MME: variants seen among roughly 807,000 people sequenced by gnomAD.
The protein encoded by MME is membrane metalloendopeptidase, also known as neprilysin.
MME carries 98 observed loss-of-function variants against 113.2 expected under a neutral mutation model. The ratio of observed to expected loss-of-function variants is 0.87; its 90% CI spans 0.74 to 1.02. MME has a LOEUF of 1.02. MME is among the 50% of genes least tolerant of loss of function. The pLI is 0.00. For synonymous variants in MME, 292 were observed against 300.6 expected (o/e 0.97, Z 0.30); for missense variants, 836 against 896.0 (o/e 0.93, Z 0.86).
chr3:155,178,877 C>T (rs1712810334), intron 22 of MME, among the ~76,000 whole-genome samples: 1 of 152,162 alleles, frequency 6.6e-6, no homozygotes, highest in Admixed American at 6.6e-5. Flanking sequence ...ATTTCCCCCA[C>T]ATATGTTCAG....
intron 1 of MME, among the ~76,000 whole-genome samples, chr3:155,028,395 G>A (rs1400771749): frequency 6.6e-6 from 1 of 152,202 alleles, no homozygotes; most frequent in Non-Finnish European, 1.5e-5. Context: ...TCTGGGAATA[G>A]AGAGGACAGT....
intron 16 of MME, chr3:155,158,477 G>A (rs1483225775): frequency 6.6e-6 from 1 of 152,024 alleles, no homozygotes; most frequent in Non-Finnish European, 1.5e-5. Flanking sequence ...TTCCCCCTAG[G>A]AGTAGTAAGA....
At chr3:155,125,444 C>CTTTTTTTTTT (rs1165027340) in intron 8 of MME, among the ~76,000 whole-genome samples, 2 of 65,286 alleles carry the variant, frequency 3.1e-5, no homozygotes, top group Non-Finnish European at 5.4e-5. Context: ...GCTCCTCCTC[C>CTTTTTTTTTT]TTTTTTTTTT....
intron 1 of MME, among the ~76,000 whole-genome samples, chr3:155,063,584 A>G (rs1714259012): frequency 8.2e-6 from 1 of 121,232 alleles, no homozygotes; most frequent in Middle Eastern, 4.1e-3. Flanking sequence ...TTATTAATAT[A>G]TATAATAAAT....
rs1715578719 is a variant in MME at position 155,085,254 on chromosome 3, A to G, written c.196+160A>G. The G allele has an allele frequency of 5.6e-5, 29 of 518,568 alleles. No homozygotes were observed. In the South Asian group the frequency reaches 9.0e-4, roughly 16 times the overall value. 32.1% of individuals were successfully genotyped at this position (518,568 alleles called of 1,614,324 possible). ...AATGGAAATAAAAATATATTTAAGT[A>G]GTAGATTAATTAACTTGTTTACTCT... is the stretch of plus-strand genomic sequence containing the variant. On this transcript the variant is annotated intron_variant, in intron 3 of 22. Transcript: ENST00000360490.
At chr3:155,049,469 G>A (rs535341383) in intron 1 of MME, among the ~76,000 whole-genome samples, 1 of 152,228 alleles carries the variant, frequency 6.6e-6, no homozygotes, top group South Asian at 2.1e-4. Flanking sequence ...ATTGGGAAAT[G>A]AGTAGAGGCT....
At chr3:155,125,535 C>T (rs2108277556) in intron 8 of MME, among the ~76,000 whole-genome samples, 2 of 136,554 alleles carry the variant, frequency 1.5e-5, no homozygotes, top group Middle Eastern at 4.6e-3. Flanking sequence ...TCTTGGGTCA[C>T]TGCAACCTCC....
intron 1 of MME, among the ~76,000 whole-genome samples, chr3:155,071,550 G>A (rs966913786): frequency 2.0e-5 from 3 of 152,080 alleles, no homozygotes; most frequent in African/African-American, 7.2e-5. Context: ...ATTAATTATT[G>A]CATTTGGCAT....
chr3:155,059,006 T>C (rs1300910897), intron 1 of MME, among the ~76,000 whole-genome samples: 5 of 152,138 alleles, frequency 3.3e-5, no homozygotes, highest in African/African-American at 4.8e-5. Flanking sequence ...CTCATGCCTG[T>C]AATCCCAGCA....
At chr3:155,078,110 G>A (rs937756051), upstream of MME, among the ~76,000 whole-genome samples, 3 of 151,718 alleles carry the variant, frequency 2.0e-5, no homozygotes, top group Non-Finnish European at 4.4e-5. Context: ...GTGGTGGTGC[G>A]TGCCTGTATT....
intron 9 of MME, 123 bp downstream of exon 9, chr3:155,138,359 T>C: frequency 1.0e-6 from 1 of 959,014 alleles, no homozygotes; most frequent in Non-Finnish European, 1.6e-6. Context: ...AATGCATGGC[T>C]TGGTAATAGA....
chr3:155,060,700 G>A (rs1178645037), intron 1 of MME, among the ~76,000 whole-genome samples: 1 of 124,970 alleles, frequency 8.0e-6, no homozygotes, highest in African/African-American at 4.0e-5. Context: ...CTTAACAAAC[G>A]TGTTTCTCAC....
intron 1 of MME, among the ~76,000 whole-genome samples, chr3:155,027,394 T>C (rs1712822978): frequency 6.6e-6 from 1 of 152,236 alleles, no homozygotes; most frequent in African/African-American, 2.4e-5. Flanking sequence ...TTTATGGTTC[T>C]TCAAGGTTCC....
chr3:155,110,813 A>G (rs930257755), intron 3 of MME, among the ~76,000 whole-genome samples: 1 of 152,246 alleles, frequency 6.6e-6, no homozygotes, highest in African/African-American at 2.4e-5. Flanking sequence ...TGCTGTAAAT[A>G]TGTTAGTATA....
chr3:155,114,121 A>G (rs1718404066), intron 3 of MME, among the ~76,000 whole-genome samples: 3 of 152,318 alleles, frequency 2.0e-5, no homozygotes, highest in Admixed American at 6.5e-5. Flanking sequence ...ATACAGATGA[A>G]TTCTCAATTG....
chr3:155,117,012 A>T lies in MME; in HGVS notation c.654+26A>T, dbSNP rs770770411. ...GTAAGTTTGTGTGTCAAATAACTAA[A>T]GTTACCTTTAAATTGTAATAAAACT... On this transcript the variant is annotated intron_variant, in intron 7 of 22. Transcript: ENST00000360490. 2.4e-6 allele frequency: 3 copies of T among 1,225,992 alleles called. No individual in the cohort carries two copies. In the East Asian group the frequency reaches 7.0e-5, roughly 29 times the overall value. The allele number at this position is 1,225,992 out of a possible 1,614,324, so 75.9% of individuals were successfully genotyped here.
chr3:155,165,110 C>T (rs1382876837), intron 17 of MME, among the ~76,000 whole-genome samples: 1 of 152,030 alleles, frequency 6.6e-6, no homozygotes, highest in Non-Finnish European at 1.5e-5. Flanking sequence ...CAGGGCTTTG[C>T]ACTTAATAGG....
chr3:155,135,446 G>A (rs1159348860), intron 8 of MME, among the ~76,000 whole-genome samples: 2 of 149,900 alleles, frequency 1.3e-5, no homozygotes, highest in Non-Finnish European at 3.0e-5. Flanking sequence ...GATGGCTGTA[G>A]GTGTGCTGCT....
At chr3:155,125,477 C>G (rs1308071532) in intron 8 of MME, among the ~76,000 whole-genome samples, 1 of 61,250 alleles carries the variant, frequency 1.6e-5, no homozygotes, top group Non-Finnish European at 3.2e-5. Flanking sequence ...TTTTTTGAGA[C>G]AGAGTCTTGC....
Sources: gnomAD v4.1 joint callset for allele counts (sites outside exome capture counted in the v4.1 genomes callset) on GRCh38, gnomAD v4.1.1 for gene constraint, MANE v1.5 for transcripts, NCBI Gene and HGNC (gene_info 2026-07-23, HGNC 2026-07-21) for gene names.